The following GOLGA5 variants were observed in gnomAD, a reference collection of about 807,000 sequenced individuals.
GOLGA5 encodes golgin subfamily A member 5.
Under a neutral mutation model 93.5 loss-of-function variants are expected in GOLGA5, and 50 were observed. That is an observed-to-expected ratio of 0.53 (90% CI 0.43 to 0.68). The LOEUF (loss-of-function observed/expected upper bound fraction) is 0.68, where lower values mean the gene tolerates loss of function less well. GOLGA5 is among the 30% of genes least tolerant of loss of function. GOLGA5 has a pLI of 0.00. For synonymous variants in GOLGA5, 312 were observed against 304.5 expected (o/e 1.02, Z -0.26); for missense variants, 760 against 856.4 (o/e 0.89, Z 1.40).
chr14:92,837,012 C>T (rs186187762), intron 11 of GOLGA5, among the ~76,000 whole-genome samples: 4 of 151,448 alleles, frequency 2.6e-5, no homozygotes, highest in Admixed American at 1.3e-4. Flanking sequence ...CAGAGGTTGC[C>T]GTGGGCAGAG....
At position 92,809,413 on chromosome 14, in the gene GOLGA5, G is replaced by A. The variant is rs1885059423; in HGVS notation, c.886G>A (p.Ala296Thr). 2 of 1,613,518 alleles carry A rather than the reference G, an allele frequency of 1.2e-6. No homozygotes were observed. Among genetic ancestry groups the A allele is most frequent in the Non-Finnish European group, 1.7e-6 (2 of 1,179,480 alleles). ...AGATGACCTGACTGAAGCTGTGGCT[G>A]CAAAGGATTCCCAGCTGGCTGTACT... Reference protein sequence around the residue: ...QVDDLTEAVAAKDSQLAVLKV... With the variant: ...QVDDLTEAVATKDSQLAVLKV... The change falls in exon 4 of 13, where the codon GCA becomes ACA. Residue 296 changes from alanine to threonine, a missense_variant. Ala to Thr is a moderately conservative substitution (Grantham distance 58). Transcript: ENST00000163416.
intron 11 of GOLGA5, 49 bp from the exon 12 acceptor site, chr14:92,837,337 G>T: frequency 1.1e-6 from 1 of 879,182 alleles, no homozygotes; most frequent in South Asian, 1.5e-5. Flanking sequence ...GATTTGTTTT[G>T]ACTGTGACTC....
At chr14:92,829,914 A>G (rs1885493769) in intron 9 of GOLGA5, among the ~76,000 whole-genome samples, 1 of 152,168 alleles carries the variant, frequency 6.6e-6, no homozygotes. Context: ...CCCAGCCCTC[A>G]GCAGCCACCA....
rs1013724806 is a variant in GOLGA5 at position 92,839,594 on chromosome 14, C to T, written c.*148C>T. ...CTTTTTAAGTTATTGTACAAGTATT[C>T]TACCTAAATCTTCCAATTTCCTTTA... On this transcript the variant is annotated 3_prime_UTR_variant, in exon 13 of 13. Transcript: ENST00000163416. 1.7e-5 allele frequency: 10 copies of T among 603,966 alleles called. No individual in the cohort carries two copies. The highest frequency in any genetic ancestry group is 5.9e-5 in the Admixed American group (2 of 33,906). The allele number at this position is 603,966 out of a possible 1,614,324, so 37.4% of individuals were successfully genotyped here.
intron 6 of GOLGA5, among the ~76,000 whole-genome samples, chr14:92,812,060 A>G (rs899449071): frequency 3.9e-5 from 6 of 152,086 alleles, no homozygotes; most frequent in Non-Finnish European, 5.9e-5. Context: ...TTGATCTCCT[A>G]TTGAATTTTT....
chr14:92,807,084 G>A (rs1885003923), intron 3 of GOLGA5, 121 bp downstream of exon 3: 3 of 639,506 alleles, frequency 4.7e-6, no homozygotes, highest in Non-Finnish European at 8.3e-6. Context: ...CGGATTGCCT[G>A]AGGTCAGGAG....
intron 8 of GOLGA5, among the ~76,000 whole-genome samples, chr14:92,821,634 G>A (rs976780213): frequency 2.0e-5 from 3 of 152,124 alleles, no homozygotes; most frequent in Admixed American, 6.5e-5. Context: ...CCATCTTTGT[G>A]TATTTAAATT....
In GOLGA5 at chr14:92,833,170, C is replaced by T. The variant is rs1248975964; in HGVS notation, c.1768C>T (p.Arg590Ter). ...SNSSQSELENRLHQLTETLIQ... is the reference protein window; with the variant it reads ...SNSSQSELEN ...TAGCAGTCAGTCTGAGTTAGAAAAT[C>T]GACTCCATCAGCTAACAGAGACTCT... is the stretch of plus-strand genomic sequence containing the variant. Residue 590 changes from arginine (R) to a stop codon, truncating the protein, a stop_gained, in exon 10 of 13, where the codon CGA becomes TGA. Coordinates refer to ENST00000163416, the MANE Select transcript of GOLGA5 (RefSeq NM_005113.4). LOFTEE classifies it high-confidence loss of function. The T allele has an allele frequency of 3.1e-6, 5 of 1,612,582 alleles. No individual in the cohort carries two copies. The highest frequency in any genetic ancestry group is 4.2e-6 in the Non-Finnish European group (5 of 1,178,754).
At position 92,806,906 on chromosome 14, in the gene GOLGA5, C is replaced by A; in HGVS notation, c.715C>A (p.Gln239Lys). ...LENQLLRNEVQSLNQEMASLL... is the reference protein window; with the variant it reads ...LENQLLRNEVKSLNQEMASLL... ...GAATCAGCTGCTGAGGAATGAAGTTCAGTCTTTAAATCAAGAAATGGCCTC... is the reference window on the plus strand; with the variant it reads ...GAATCAGCTGCTGAGGAATGAAGTTAAGTCTTTAAATCAAGAAATGGCCTC... Residue 239 changes from glutamine to lysine, a missense_variant, in exon 3 of 13, where the codon CAG becomes AAG. Transcript: ENST00000163416. 2 of 1,613,712 alleles carry A rather than the reference C, an allele frequency of 1.2e-6. No individual in the cohort carries two copies. The highest frequency in any genetic ancestry group is 1.7e-6 in the Non-Finnish European group (2 of 1,179,664).
intron 2 of GOLGA5, among the ~76,000 whole-genome samples, chr14:92,800,431 G>C (rs903367742): frequency 6.6e-6 from 1 of 152,202 alleles, no homozygotes; most frequent in African/African-American, 2.4e-5. Context: ...AGAAAACATT[G>C]TAACAAAGTT....
intron 2 of GOLGA5, among the ~76,000 whole-genome samples, chr14:92,805,669 A>G (rs528644700): frequency 3.3e-5 from 5 of 152,196 alleles, no homozygotes; most frequent in South Asian, 4.2e-4. Flanking sequence ...AATTTTAGCC[A>G]TTCTAGGGGG....
intron 7 of GOLGA5, 103 bp from the exon 8 acceptor site, chr14:92,819,605 C>A: frequency 9.2e-7 from 1 of 1,083,862 alleles, no homozygotes. Flanking sequence ...TGCACTCCAG[C>A]CTGGGTGACG....
intron 8 of GOLGA5, among the ~76,000 whole-genome samples, chr14:92,822,321 C>T (rs971947409): frequency 1.3e-5 from 2 of 152,170 alleles, no homozygotes; most frequent in African/African-American, 4.8e-5. Context: ...AGACAGCTCC[C>T]GAACTGCTGC....
rs966425764 is a variant in GOLGA5, at chr14:92,794,381, C to T, written c.-106C>T. The T allele has an allele frequency of 8.5e-5, 13 of 152,378 alleles. No homozygotes were observed. Among genetic ancestry groups the T allele is most frequent in the African/African-American group, 1.4e-4 (6 of 41,468 alleles). The allele number at this position is 152,378 out of a possible 1,614,324, so 9.4% of individuals were successfully genotyped here. A position where few individuals can be genotyped will look rare whatever the true frequency, so the allele number is the denominator to read the frequency against. On this transcript the variant is annotated 5_prime_UTR_variant, in exon 1 of 13. Transcript: ENST00000163416. ...GAGGAGGTTTACTCAGCTTGGGCCC[C>T]CTCCGGGCCAGCCGCCGAGGGGGCG... is the stretch of plus-strand genomic sequence containing the variant.
intron 11 of GOLGA5, 127 bp from the exon 12 acceptor site, chr14:92,837,259 C>T (rs4904994): frequency 0.72 from 385,094 of 536,828 alleles, 139,895 homozygotes; most frequent in South Asian, 0.82. Flanking sequence ...AATTGTTCTT[C>T]TGTGGTAGCC....
intron 6 of GOLGA5, among the ~76,000 whole-genome samples, chr14:92,813,369 C>T (rs1885141541): frequency 6.6e-6 from 1 of 152,146 alleles, no homozygotes; most frequent in South Asian, 2.1e-4. Context: ...TAATGCAGTA[C>T]AATGGGAGCT....
At chr14:92,811,840 T>G in intron 6 of GOLGA5, 86 bp downstream of exon 6, 1 of 959,678 alleles carries the variant, frequency 1.0e-6, no homozygotes, top group Non-Finnish European at 1.7e-6. Context: ...CTGTGTGAGG[T>G]GCTTTGTTCA....
At chr14:92,819,362 C>T (rs1313137125) in intron 7 of GOLGA5, among the ~76,000 whole-genome samples, 2 of 151,788 alleles carry the variant, frequency 1.3e-5, no homozygotes, top group African/African-American at 2.4e-5. Flanking sequence ...GCATGGTAGA[C>T]AGGTTGTGTG....
Position 92,810,629 on chromosome 14 carries a change from A to G in GOLGA5, c.1116+252A>G, listed in dbSNP as rs1220833138. 3.3e-5 allele frequency: 8 copies of G among 238,856 alleles called. No homozygotes were observed. The Admixed American group carries it at 4.5e-4, about 13-fold the overall frequency. 14.8% of individuals were successfully genotyped at this position (238,856 alleles called of 1,614,324 possible). On this transcript the variant is annotated intron_variant, in intron 5 of 12. Coordinates refer to ENST00000163416, the MANE Select transcript of GOLGA5 (RefSeq NM_005113.4). ...ATACATCTTTTACTTAATTTTTGCA[A>G]CAATCATTGTCATTATTTGATTAAA...
Sources: gnomAD v4.1 joint callset for allele counts (sites outside exome capture counted in the v4.1 genomes callset) on GRCh38, gnomAD v4.1.1 for gene constraint, MANE v1.5 for transcripts, NCBI Gene and HGNC (gene_info 2026-07-23, HGNC 2026-07-21) for gene names.